COA1: variants seen among roughly 807,000 people sequenced by gnomAD.
The protein encoded by COA1 is cytochrome c oxidase assembly factor 1.
In COA1, 13 loss-of-function variants were observed where a neutral mutation model predicts 16.0. The observed-to-expected ratio is 0.81, with a 90% CI of 0.53 to 1.29. The LOEUF is 1.29. Ranked by LOEUF, COA1 falls within the 50% of genes most tolerant of loss-of-function variation. COA1 has a pLI of 0.00. For missense variants in COA1, 179 were observed against 177.0 expected, an observed-to-expected ratio of 1.01 and a Z score of -0.06; for synonymous variants, 65 against 65.7, an observed-to-expected ratio of 0.99 and a Z score of 0.05.
intron 6 of COA1, chr7:43,625,040 A>AAC: frequency 2.3e-6 from 1 of 429,076 alleles, no homozygotes; most frequent in Non-Finnish European, 4.1e-6. Flanking sequence ...TAACAGGTAC[A>AAC]GTTACCCGTT....
At chr7:43,630,086 A>AC (rs2085015212) in intron 6 of COA1, among the ~76,000 whole-genome samples, 1 of 152,140 alleles carries the variant, frequency 6.6e-6, no homozygotes, top group African/African-American at 2.4e-5. Context: ...CCTTCACACT[A>AC]CACCGCGCGG....
chr7:43,653,181 G>A (rs1195956230), intron 1 of COA1, among the ~76,000 whole-genome samples: 2 of 151,902 alleles, frequency 1.3e-5, no homozygotes, highest in African/African-American at 2.4e-5. Flanking sequence ...GCATAGTGGC[G>A]GGCACCCGTA....
intron 1 of COA1, among the ~76,000 whole-genome samples, chr7:43,662,973 G>C (rs534314571): frequency 1.3e-5 from 2 of 152,202 alleles, no homozygotes; most frequent in South Asian, 2.1e-4. Context: ...ATATAGTTTG[G>C]GTATTTGTCC....
intron 6 of COA1, among the ~76,000 whole-genome samples, chr7:43,618,287 C>T (rs1269432800): frequency 6.6e-6 from 1 of 152,092 alleles, no homozygotes; most frequent in East Asian, 1.9e-4. Context: ...TTATTGAGAC[C>T]CATCATGCAT....
intron 1 of COA1, among the ~76,000 whole-genome samples, chr7:43,672,682 A>G (rs1584794600): frequency 6.6e-6 from 1 of 152,018 alleles, no homozygotes; most frequent in Admixed American, 6.6e-5. Context: ...AGGCAGGAGA[A>G]TCACTTGAAC....
At chr7:43,640,128 G>A (rs1246179002) in intron 5 of COA1, among the ~76,000 whole-genome samples, 2 of 152,216 alleles carry the variant, frequency 1.3e-5, no homozygotes, top group Non-Finnish European at 2.9e-5. Flanking sequence ...GAGGCTTCCC[G>A]TGGGGGAAGT....
At chr7:43,623,397 TACAA>T in intron 6 of COA1, 1 of 585,620 alleles carries the variant, frequency 1.7e-6, no homozygotes, top group Non-Finnish European at 3.0e-6. Flanking sequence ...ACAAGTTAAT[TACAA>T]ACATCTAGTT....
chr7:43,672,865 C>A (rs2093340842), intron 1 of COA1, among the ~76,000 whole-genome samples: 2 of 151,058 alleles, frequency 1.3e-5, no homozygotes, highest in African/African-American at 4.9e-5. Flanking sequence ...TAATGCCGCA[C>A]ACCTACAACC....
chr7:43,705,112 G>C (rs2094920482), intron 1 of COA1, among the ~76,000 whole-genome samples: 1 of 152,200 alleles, frequency 6.6e-6, no homozygotes, highest in African/African-American at 2.4e-5. Flanking sequence ...TCTAATCCTT[G>C]TGGTGCTGGG....
chr7:43,710,710 T>C (rs924783809), intron 1 of COA1, among the ~76,000 whole-genome samples: 3 of 152,070 alleles, frequency 2.0e-5, no homozygotes, highest in Admixed American at 1.3e-4. Context: ...AAACAAACAA[T>C]AGGATTCAGA....
intron 5 of COA1, among the ~76,000 whole-genome samples, chr7:43,640,051 G>A (rs771504104): frequency 6.6e-6 from 1 of 152,148 alleles, no homozygotes; most frequent in Non-Finnish European, 1.5e-5. Flanking sequence ...AGCTAGGTGG[G>A]GCCTCCTGCT....
At chr7:43,624,632 A>T (rs557775841) in intron 6 of COA1, 2 of 1,614,132 alleles carry the variant, frequency 1.2e-6, no homozygotes, top group Non-Finnish European at 1.7e-6. Context: ...CCCTCCAAGA[A>T]GGTCATTCTG....
At chr7:43,701,347 T>C (rs752271836) in intron 1 of COA1, among the ~76,000 whole-genome samples, 48 of 152,184 alleles carry the variant, frequency 3.2e-4, no homozygotes, top group Non-Finnish European at 8.8e-5. Context: ...CTCTCACTTA[T>C]AAGTGAGAAT....
chr7:43,654,486 AACTC>A (rs1000688292), intron 1 of COA1, among the ~76,000 whole-genome samples: 3 of 152,362 alleles, frequency 2.0e-5, no homozygotes, highest in Admixed American at 2.0e-4. Flanking sequence ...AAAGGGAAGA[AACTC>A]AAATAAGGAG....
intron 1 of COA1, among the ~76,000 whole-genome samples, chr7:43,663,437 A>G (rs530320047): frequency 3.9e-5 from 6 of 152,174 alleles, no homozygotes; most frequent in Non-Finnish European, 8.8e-5. Context: ...CTCTGCCTTA[A>G]TTATTTAGAT....
intron 6 of COA1, among the ~76,000 whole-genome samples, chr7:43,630,905 A>G (rs2085110729): frequency 6.6e-6 from 1 of 152,126 alleles, no homozygotes; most frequent in South Asian, 2.1e-4. Context: ...CACCCCATTT[A>G]TAATTGTCTT....
intron 1 of COA1, among the ~76,000 whole-genome samples, chr7:43,673,338 G>C (rs1259971341): frequency 6.6e-6 from 1 of 152,142 alleles, no homozygotes; most frequent in African/African-American, 2.4e-5. Context: ...CAAAGGACAT[G>C]AACAGACACT....
intron 1 of COA1, among the ~76,000 whole-genome samples, chr7:43,664,972 T>C (rs1228002486): frequency 6.6e-6 from 1 of 152,232 alleles, no homozygotes; most frequent in African/African-American, 2.4e-5. Flanking sequence ...TTTCCTTTTA[T>C]GCAAGCATAC....
At position 43,682,905 on chromosome 7, in the gene COA1, A is replaced by G. The variant is rs536511616; in HGVS notation, c.-38-34253T>C. Among the ~76,000 whole-genome samples the G allele has an allele frequency of 2.6e-5, 4 of 152,280 alleles. No homozygotes were observed. The East Asian group carries it at 7.7e-4, about 29-fold the overall frequency. On this transcript the variant is annotated intron_variant, in intron 1 of 5. Transcript: ENST00000223336. ...TGCTCTGTCGCCCAGGCTGGAGTGCAATGGCACGATCTTGGCTCACTGCAA... is the reference window on the plus strand; with the variant it reads ...TGCTCTGTCGCCCAGGCTGGAGTGCGATGGCACGATCTTGGCTCACTGCAA...
Sources: allele counts gnomAD v4.1 joint callset (sites outside exome capture counted in the v4.1 genomes callset), GRCh38; gene constraint gnomAD v4.1.1; transcripts MANE v1.5; gene names NCBI Gene and HGNC (gene_info 2026-07-23, HGNC 2026-07-21).